MYO10: variants seen among roughly 807,000 people sequenced by gnomAD.
MYO10 encodes the protein myosin X.
Under a neutral mutation model 257.3 loss-of-function variants are expected in MYO10, and 133 were observed. That is an observed-to-expected ratio of 0.52 (90% CI 0.45 to 0.60). MYO10 has a LOEUF of 0.60. Among genes scored for constraint, MYO10 ranks in the 20% least tolerant of loss-of-function variants. The probability of loss-of-function intolerance (pLI) is 0.00; values close to 1 mark genes in which losing one functional copy is unlikely to be tolerated. For missense variants in MYO10, 2,399 were observed against 2,635.7 expected, an observed-to-expected ratio of 0.91 and a Z score of 1.97; for synonymous variants, 1,104 against 1,028.6, an observed-to-expected ratio of 1.07 and a Z score of -1.40.
intron 1 of MYO10, among the ~76,000 whole-genome samples, chr5:16,920,720 T>C (rs1745956111): frequency 1.3e-5 from 2 of 152,230 alleles, no homozygotes; most frequent in Non-Finnish European, 1.5e-5. Context: ...TTTGACACTG[T>C]ATTTTGTTAT....
Position 16,820,905 on chromosome 5 carries a change from T to C in MYO10, c.121-2738A>G, listed in dbSNP as rs1742779661. Among the ~76,000 whole-genome samples the C allele has an allele frequency of 2.0e-5, 3 of 148,478 alleles. No individual in the cohort carries two copies. In the Admixed American group the frequency reaches 2.0e-4, roughly 10 times the overall value. ...CATCTTATATGTAATACATATATCTTATATGTATTTTACATATATAAAACA... is the reference window on the plus strand; with the variant it reads ...CATCTTATATGTAATACATATATCTCATATGTATTTTACATATATAAAACA... On this transcript the variant is annotated intron_variant, in intron 2 of 40. Coordinates refer to ENST00000513610, the MANE Select transcript of MYO10 (RefSeq NM_012334.3).
chr5:16,824,858 C>T (rs897425394), intron 2 of MYO10, among the ~76,000 whole-genome samples: 7 of 152,138 alleles, frequency 4.6e-5, no homozygotes, highest in Non-Finnish European at 1.5e-5. Flanking sequence ...CAGAGCAAGA[C>T]TCTGTCTCAA....
At chr5:16,784,645 A>C (rs1185114472) in intron 4 of MYO10, among the ~76,000 whole-genome samples, 15 of 152,230 alleles carry the variant, frequency 9.9e-5, no homozygotes, top group Non-Finnish European at 1.9e-4. Context: ...ACAGCCATAC[A>C]AACGCCATCA....
intron 3 of MYO10, among the ~76,000 whole-genome samples, chr5:16,801,806 A>G (rs1045308824): frequency 6.6e-6 from 1 of 152,176 alleles, no homozygotes; most frequent in African/African-American, 2.4e-5. Context: ...TAACTCAAGG[A>G]TGTTTTTTCA....
At chr5:16,677,130 C>A (rs1736764339) in intron 33 of MYO10, among the ~76,000 whole-genome samples, 1 of 152,084 alleles carries the variant, frequency 6.6e-6, no homozygotes, top group Admixed American at 6.6e-5. Flanking sequence ...ATGAAAAAAA[C>A]AAAGTTACTT....
At chr5:16,724,800 C>T (rs1739289971) in intron 19 of MYO10, among the ~76,000 whole-genome samples, 1 of 152,092 alleles carries the variant, frequency 6.6e-6, no homozygotes, top group African/African-American at 2.4e-5. Context: ...CATACACATA[C>T]ATACATATAC....
chr5:16,804,029 C>T lies in MYO10; in HGVS notation c.280-9196G>A, dbSNP rs72732247. On this transcript the variant is annotated intron_variant, in intron 3 of 40. Transcript: ENST00000513610. ...AGGGGACAATAAGATATTGTCCCTA[C>T]GGTCACGGAGCCCGTGAGTCAGAGT... Among the ~76,000 whole-genome samples the T allele has an allele frequency of 5.9e-3, 894 of 152,294 alleles. 8 individuals carry two copies. Among genetic ancestry groups the T allele is most frequent in the Non-Finnish European group, 0.01 (691 of 68,024 alleles).
intron 9 of MYO10, among the ~76,000 whole-genome samples, chr5:16,770,156 C>T (rs1741002329): frequency 1.3e-5 from 2 of 152,062 alleles, no homozygotes; most frequent in South Asian, 4.1e-4. Flanking sequence ...CGCATGAACC[C>T]AGGAGTTCAA....
intron 4 of MYO10, among the ~76,000 whole-genome samples, chr5:16,792,584 GGGGGGC>G (rs899561342): frequency 1.2e-3 from 65 of 56,144 alleles, no homozygotes; most frequent in African/African-American, 2.8e-3. Context: ...CCACAGGAGC[GGGGGGC>G]GGGGGGCTGC....
intron 19 of MYO10, among the ~76,000 whole-genome samples, chr5:16,733,591 G>A (rs1448147197): frequency 6.8e-6 from 1 of 148,066 alleles, no homozygotes; most frequent in Non-Finnish European, 1.5e-5. Context: ...GTATTGGTGA[G>A]CTGCGCATCC....
intron 2 of MYO10, among the ~76,000 whole-genome samples, chr5:16,858,170 A>C (rs991431129): frequency 4.6e-5 from 7 of 152,180 alleles, no homozygotes; most frequent in Non-Finnish European, 4.4e-5. Flanking sequence ...CTGTGTTCCA[A>C]TATAACTTTA....
chr5:16,744,752 C>A (rs1415965703), intron 19 of MYO10, among the ~76,000 whole-genome samples: 1 of 151,594 alleles, frequency 6.6e-6, no homozygotes, highest in Non-Finnish European at 1.5e-5. Context: ...AACATGAAAG[C>A]AAACACAGGC....
chr5:16,828,216 C>A (rs750696656), intron 2 of MYO10, among the ~76,000 whole-genome samples: 11 of 152,156 alleles, frequency 7.2e-5, no homozygotes, highest in Non-Finnish European at 1.5e-4. Context: ...GTCCCCTTAG[C>A]CCTCCACTTT....
chr5:16,672,402 C>G (rs553321626), intron 37 of MYO10, among the ~76,000 whole-genome samples: 1 of 143,784 alleles, frequency 7.0e-6, no homozygotes, highest in South Asian at 2.4e-4. Flanking sequence ...CTAATGACAA[C>G]TGGAAACCTA....
chr5:16,881,009 G>A (rs184851339), intron 1 of MYO10, among the ~76,000 whole-genome samples: 49 of 152,174 alleles, frequency 3.2e-4, no homozygotes, highest in Admixed American at 5.9e-4. Context: ...GCCCATGCTC[G>A]CAGCAATGAA....
In MYO10 at chr5:16,762,143, A is replaced by AAAAAAAAAAAAT. The variant is rs370443366; in HGVS notation, c.1588-31_1588-30insATTTTTTTTTTT. On this transcript the variant is annotated intron_variant, in intron 15 of 40. Coordinates refer to ENST00000513610, the MANE Select transcript of MYO10 (RefSeq NM_012334.3). ...AAAAAAAAAAAAAAAAAAAAAAAAAAATACAATGCCTTATTTCACTCACTG... is the reference window on the plus strand; with the variant it reads ...AAAAAAAAAAAAAAAAAAAAAAAAAAAAAAAAAAAAATATACAATGCCTTATTTCACTCACTG... 38 of 1,092,384 alleles carry AAAAAAAAAAAAT rather than the reference A, an allele frequency of 3.5e-5. 2 individuals carry two copies. Among genetic ancestry groups the AAAAAAAAAAAAT allele is most frequent in the East Asian group, 8.0e-5 (3 of 37,538 alleles). The allele number at this position is 1,092,384 out of a possible 1,614,324, so 67.7% of individuals were successfully genotyped here.
chr5:16,703,867 C>T (rs1370744739), intron 22 of MYO10, among the ~76,000 whole-genome samples: 1 of 117,190 alleles, frequency 8.5e-6, no homozygotes, highest in Non-Finnish European at 1.6e-5. Flanking sequence ...GACGAGCGAG[C>T]GAGACTCTGT....
intron 10 of MYO10, among the ~76,000 whole-genome samples, chr5:16,766,889 C>A (rs1224295968): frequency 1.3e-5 from 2 of 151,044 alleles, no homozygotes; most frequent in African/African-American, 4.9e-5. Flanking sequence ...CCTGCCTCAG[C>A]CTCCTGAGTA....
intron 26 of MYO10, 33 bp downstream of exon 26, chr5:16,699,417 C>T (rs778817254): frequency 5.0e-6 from 8 of 1,609,410 alleles, no homozygotes; most frequent in South Asian, 3.3e-5. Flanking sequence ...CGCTCTCCCC[C>T]TAACCCAGAC....
Sources: gnomAD v4.1 joint callset for allele counts (sites outside exome capture counted in the v4.1 genomes callset) on GRCh38, gnomAD v4.1.1 for gene constraint, MANE v1.5 for transcripts, NCBI Gene and HGNC (gene_info 2026-07-23, HGNC 2026-07-21) for gene names.